SND1: variants seen among roughly 807,000 people sequenced by gnomAD.
SND1 encodes staphylococcal nuclease domain-containing protein 1.
Under a neutral mutation model 121.7 loss-of-function variants are expected in SND1, and 38 were observed. The observed-to-expected ratio is 0.31, with a 90% confidence interval of 0.24 to 0.41. SND1 has a LOEUF of 0.41. Ranked by LOEUF, SND1 falls within the 10% of genes least tolerant of loss-of-function variation. The probability of loss-of-function intolerance (pLI) is 1.00; values close to 1 mark genes in which losing one functional copy is unlikely to be tolerated. For synonymous variants in SND1, 401 were observed against 447.4 expected, an observed-to-expected ratio of 0.90 and a Z score of 1.31; for missense variants, 868 against 1,184.6, an observed-to-expected ratio of 0.73 and a Z score of 3.92.
rs1587568400 is a variant in SND1, at chr7:127,652,230, C to T, written c.-144C>T. 1.4e-6 allele frequency: 1 copy of T among 724,608 alleles called. No homozygotes were observed. Among genetic ancestry groups the T allele is most frequent in the South Asian group, 1.5e-5 (1 of 65,942 alleles). The allele number at this position is 724,608 out of a possible 1,614,324, so 44.9% of individuals were successfully genotyped here. The stretch of plus-strand genomic sequence containing the variant: ...CGTGTCCCGCTGCTGCTCCTGTGAG[C>T]GCCCGGCGAGTCCGTCCCGTCCACC... On this transcript the variant is annotated 5_prime_UTR_variant, in exon 1 of 24. Coordinates refer to ENST00000354725, the MANE Select transcript of SND1 (RefSeq NM_014390.4).
In SND1 at chr7:127,694,831, T is replaced by C; in HGVS notation, c.232T>C (p.Trp78Arg). 1 of 1,613,958 alleles carries C rather than the reference T, an allele frequency of 6.2e-7. No homozygotes were observed. Among genetic ancestry groups the C allele is most frequent in the Non-Finnish European group, 8.5e-7 (1 of 1,179,872 alleles). Residue 78 changes from tryptophan (W) to arginine (R), a missense_variant, in exon 3 of 24, where the codon TGG becomes CGG. This residue lies in a region of SND1 where 125 missense variants were observed against 113.3 expected (regional missense o/e 1.10). Transcript: ENST00000354725. ...ACATATTTGTTTTGTCTTTCAGCCC[T>C]GGGCATTTCCAGCTCGAGAGTTCCT... is the stretch of plus-strand genomic sequence containing the variant. ...PDAKDTPDEP[W>R]AFPAREFLRK...
intron 1 of SND1, among the ~76,000 whole-genome samples, chr7:127,660,216 G>T (rs1199567496): frequency 6.6e-6 from 1 of 152,114 alleles, no homozygotes; most frequent in Non-Finnish European, 1.5e-5. Context: ...GAGACCCAGA[G>T]GAACATGGTT....
intron 22 of SND1, among the ~76,000 whole-genome samples, chr7:128,091,451 C>G (rs1793778520): frequency 1.3e-5 from 2 of 151,872 alleles, no homozygotes; most frequent in Admixed American, 1.3e-4. Context: ...CTCAAGTGAT[C>G]CTCCTGCCTT....
chr7:127,783,878 G>C (rs1797767589), intron 10 of SND1, among the ~76,000 whole-genome samples: 1 of 152,086 alleles, frequency 6.6e-6, no homozygotes, highest in African/African-American at 2.4e-5. Flanking sequence ...CCTTAAGGTG[G>C]GGACCTATAC....
chr7:127,848,550 A>G (rs573863239), intron 12 of SND1, among the ~76,000 whole-genome samples: 1 of 152,258 alleles, frequency 6.6e-6, no homozygotes, highest in African/African-American at 2.4e-5. Context: ...AGTCTTGAAG[A>G]AATGTGAAAT....
chr7:127,756,538 C>CTTTAGGCCTTCCACTGTCT (rs1797199368), intron 10 of SND1, among the ~76,000 whole-genome samples: 1 of 152,222 alleles, frequency 6.6e-6, no homozygotes, highest in East Asian at 1.9e-4. Flanking sequence ...AATGTAGCGC[C>CTTTAGGCCTTCCACTGTCT]TTTAGGCCTT....
intron 12 of SND1, among the ~76,000 whole-genome samples, chr7:127,852,570 G>A (rs1470333997): frequency 6.6e-6 from 1 of 152,014 alleles, no homozygotes; most frequent in Admixed American, 6.6e-5. Flanking sequence ...AGCACTTTGG[G>A]AGGCTGAGGC....
chr7:127,821,041 T>G (rs1163795919), intron 11 of SND1, among the ~76,000 whole-genome samples: 3 of 152,192 alleles, frequency 2.0e-5, no homozygotes, highest in African/African-American at 7.2e-5. Context: ...TGGCCTTGGA[T>G]CCTCCCGAAT....
At chr7:127,662,648 G>C (rs977466709) in intron 1 of SND1, among the ~76,000 whole-genome samples, 2 of 152,038 alleles carry the variant, frequency 1.3e-5, no homozygotes, top group African/African-American at 4.8e-5. Context: ...CTGCTTAGTA[G>C]CTCATTACTC....
intron 15 of SND1, among the ~76,000 whole-genome samples, chr7:127,982,893 T>G (rs1584714799): frequency 6.6e-6 from 1 of 152,258 alleles, no homozygotes; most frequent in Non-Finnish European, 1.5e-5. Flanking sequence ...ATGAACTGAT[T>G]TGGCTTTGTA....
At chr7:128,075,963 C>A (rs1317297047) in intron 17 of SND1, among the ~76,000 whole-genome samples, 1 of 152,222 alleles carries the variant, frequency 6.6e-6, no homozygotes, top group Non-Finnish European at 1.5e-5. Context: ...AGGGGCAGCG[C>A]TGGGGCCTCC....
Position 128,085,837 on chromosome 7 carries a change from C to A in SND1, c.2304+57C>A. ...CTATCAAACACAGCAGCCCCCGAGT[C>A]AAATCCATCTGATCTCTCCAAGGTC... On this transcript the variant is annotated intron_variant, in intron 20 of 23. Transcript: ENST00000354725. This position sits in a 1 kb window ranked among gnomAD's most constrained non-coding sequence, Gnocchi z 4.4. 1.4e-6 allele frequency: 2 copies of A among 1,413,786 alleles called. No individual in the cohort carries two copies. The allele number at this position is 1,413,786 out of a possible 1,614,324, so 87.6% of individuals were successfully genotyped here.
chr7:127,745,261 A>G (rs1796960489), intron 10 of SND1, among the ~76,000 whole-genome samples: 1 of 152,186 alleles, frequency 6.6e-6, no homozygotes, highest in Non-Finnish European at 1.5e-5. Context: ...AAACCTGTAC[A>G]GCATGTTGCA....
At chr7:127,868,865 T>C (rs1200413887) in intron 12 of SND1, among the ~76,000 whole-genome samples, 1 of 152,186 alleles carries the variant, frequency 6.6e-6, no homozygotes, top group Non-Finnish European at 1.5e-5. Context: ...GTATTTTTTT[T>C]CCTCCATCTC....
intron 11 of SND1, among the ~76,000 whole-genome samples, chr7:127,823,600 G>C (rs1365948486): frequency 6.6e-6 from 1 of 152,098 alleles, no homozygotes; most frequent in Non-Finnish European, 1.5e-5. Flanking sequence ...CAAAATTAAA[G>C]ATTCTCAATC....
At chr7:128,088,446 CTTTTTTTTTTTT>C (rs1047161140) in intron 21 of SND1, among the ~76,000 whole-genome samples, 1 of 80,112 alleles carries the variant, frequency 1.2e-5, no homozygotes, top group Non-Finnish European at 2.3e-5. Flanking sequence ...CCCTATCTCT[CTTTTTTTTTTTT>C]TTTTTTTTTT....
In SND1 at chr7:128,029,061, T is replaced by C; in HGVS notation, c.1779+38005T>C. The C allele has an allele frequency of 6.2e-7, 1 of 1,614,164 alleles. No homozygotes were observed. The highest frequency in any genetic ancestry group is 2.2e-5 in the East Asian group (1 of 44,886). The stretch of plus-strand genomic sequence containing the variant: ...TGCCACAAAGCAGCCAATGATGATC[T>C]TGGTGGTCTTCATGACTTCATCCAG... On this transcript the variant is annotated intron_variant, in intron 16 of 23. Transcript: ENST00000354725. The surrounding 1 kb of genome is among the most constrained non-coding windows in gnomAD (Gnocchi z 4.2).
At chr7:127,702,327 T>C (rs953075375) in intron 5 of SND1, 108 bp from the exon 6 acceptor site, 1 of 942,862 alleles carries the variant, frequency 1.1e-6, no homozygotes. Flanking sequence ...GGAGGCTTTC[T>C]CAGGGTTTTT....
chr7:127,954,916 G>C (rs1801557761), intron 15 of SND1, among the ~76,000 whole-genome samples: 1 of 152,160 alleles, frequency 6.6e-6, no homozygotes, highest in Non-Finnish European at 1.5e-5. Context: ...AGATCTCTAG[G>C]AGATGACAAG....
Sources: gnomAD v4.1 joint callset for allele counts (sites outside exome capture counted in the v4.1 genomes callset) on GRCh38, gnomAD v4.1.1 for gene constraint, gnomAD v4.1.1 regional missense constraint, Gnocchi (gnomAD v3.1) non-coding constraint, MANE v1.5 for transcripts, NCBI Gene and HGNC (gene_info 2026-07-23, HGNC 2026-07-21) for gene names.